DLG2: variants seen among roughly 807,000 people sequenced by gnomAD.
DLG2 encodes discs large MAGUK scaffold protein 2, also known as disks large homolog 2.
A neutral mutation model predicts 132.5 loss-of-function variants in DLG2; 45 were observed. The ratio of observed to expected loss-of-function variants is 0.34; its 90% confidence interval spans 0.27 to 0.44. The LOEUF (loss-of-function observed/expected upper bound fraction) is 0.44, where lower values mean the gene tolerates loss of function less well. Ranked by LOEUF, DLG2 falls within the 20% of genes least tolerant of loss-of-function variation. The pLI, the probability that DLG2 is intolerant of heterozygous loss-of-function variation, is 1.00. For synonymous variants in DLG2, 424 were observed against 419.6 expected, an observed-to-expected ratio of 1.01 and a Z score of -0.13; for missense variants, 1,045 against 1,196.9, an observed-to-expected ratio of 0.87 and a Z score of 1.87.
intron 8 of DLG2, among the ~76,000 whole-genome samples, chr11:84,188,100 G>T (rs2096319258): frequency 6.6e-6 from 1 of 152,114 alleles, no homozygotes; most frequent in Admixed American, 6.6e-5. Flanking sequence ...AATATGCAAA[G>T]TGGTCTTATG....
chr11:85,593,460 C>T (rs1426443499), intron 3 of DLG2, among the ~76,000 whole-genome samples: 1 of 152,174 alleles, frequency 6.6e-6, no homozygotes, highest in Non-Finnish European at 1.5e-5. Context: ...TAACCAAGTT[C>T]ACAGGTGACT....
chr11:85,380,807 A>T (rs2085822371), intron 3 of DLG2, among the ~76,000 whole-genome samples: 1 of 152,234 alleles, frequency 6.6e-6, no homozygotes, highest in Non-Finnish European at 1.5e-5. Flanking sequence ...CCAAGGAATG[A>T]CAACACTTAT....
chr11:85,260,574 CT>C (rs1448336590), intron 4 of DLG2, among the ~76,000 whole-genome samples: 5 of 152,110 alleles, frequency 3.3e-5, no homozygotes, highest in Non-Finnish European at 5.9e-5. Flanking sequence ...TAAATAACAC[CT>C]ATTAAAATCC....
At chr11:85,077,887 G>A (rs968822523) in intron 6 of DLG2, among the ~76,000 whole-genome samples, 1 of 151,856 alleles carries the variant, frequency 6.6e-6, no homozygotes, top group Non-Finnish European at 1.5e-5. Context: ...AACAAAACAG[G>A]GTTGTGCTGT....
intron 10 of DLG2, among the ~76,000 whole-genome samples, chr11:84,064,749 T>C (rs912827053): frequency 6.6e-6 from 1 of 152,182 alleles, no homozygotes; most frequent in Non-Finnish European, 1.5e-5. Flanking sequence ...ACAGTCAAGA[T>C]GCTGAAAGTG....
At chr11:85,052,656 T>C (rs1195866049) in intron 6 of DLG2, among the ~76,000 whole-genome samples, 1 of 152,220 alleles carries the variant, frequency 6.6e-6, no homozygotes, top group Non-Finnish European at 1.5e-5. Flanking sequence ...TTTACTGGTA[T>C]GCAAATTGGT....
intron 2 of DLG2, chr11:85,625,225 A>C (rs1591411595): frequency 6.6e-6 from 1 of 152,228 alleles, no homozygotes; most frequent in East Asian, 1.9e-4. Flanking sequence ...TTATTAGTTC[A>C]AAATAAGGTA....
intron 6 of DLG2, among the ~76,000 whole-genome samples, chr11:84,931,389 C>A (rs2048068822): frequency 6.6e-6 from 1 of 152,140 alleles, no homozygotes; most frequent in African/African-American, 2.4e-5. Flanking sequence ...CATCATCTAG[C>A]TCCCACTTGT....
intron 10 of DLG2, among the ~76,000 whole-genome samples, chr11:84,091,272 C>G (rs143417005): frequency 6.6e-6 from 1 of 152,338 alleles, no homozygotes; most frequent in Non-Finnish European, 1.5e-5. Context: ...TGCCTTGCCT[C>G]TTGACTTAGC....
intron 4 of DLG2, among the ~76,000 whole-genome samples, chr11:85,202,024 G>T (rs1370975353): frequency 6.7e-6 from 1 of 150,314 alleles, no homozygotes; most frequent in East Asian, 2.0e-4. Flanking sequence ...AAACACAGAG[G>T]AAAAATGAAA....
chr11:85,466,444 T>C (rs576679544), intron 3 of DLG2, among the ~76,000 whole-genome samples: 1 of 152,320 alleles, frequency 6.6e-6, no homozygotes, highest in East Asian at 1.9e-4. Flanking sequence ...TGGTTTTAGG[T>C]CTAATATGTA....
chr11:84,852,683 T>C (rs1169896140), intron 6 of DLG2, among the ~76,000 whole-genome samples: 1 of 152,042 alleles, frequency 6.6e-6, no homozygotes, highest in Non-Finnish European at 1.5e-5. Flanking sequence ...ACCTGGTTCA[T>C]TGTACCAAAC....
intron 6 of DLG2, among the ~76,000 whole-genome samples, chr11:84,767,593 G>A (rs1597638343): frequency 6.6e-6 from 1 of 151,758 alleles, no homozygotes; most frequent in Non-Finnish European, 1.5e-5. Flanking sequence ...AATTAAGATT[G>A]TTCCTAACCT....
intron 6 of DLG2, among the ~76,000 whole-genome samples, chr11:85,055,719 T>C (rs1210602031): frequency 6.6e-6 from 1 of 152,018 alleles, no homozygotes; most frequent in Non-Finnish European, 1.5e-5. Flanking sequence ...GACTATGAAG[T>C]TGGGAAGAAG....
intron 18 of DLG2, among the ~76,000 whole-genome samples, chr11:83,635,724 C>A (rs948642109): frequency 6.6e-6 from 1 of 152,116 alleles, no homozygotes; most frequent in Non-Finnish European, 1.5e-5. Flanking sequence ...ACATAAATAT[C>A]ATGTTTCTTA....
At chr11:85,501,909 G>A (rs180791062) in intron 3 of DLG2, among the ~76,000 whole-genome samples, 60 of 152,086 alleles carry the variant, frequency 3.9e-4, no homozygotes, top group Admixed American at 1.4e-3. Context: ...CCATCAATCC[G>A]ATTACCAGGC....
intron 21 of DLG2, among the ~76,000 whole-genome samples, chr11:83,505,547 TG>T (rs1406026763): frequency 2.0e-5 from 3 of 152,322 alleles, no homozygotes; most frequent in African/African-American, 7.2e-5. Context: ...AATATCTTCA[TG>T]TTTTTTTACC....
intron 15 of DLG2, among the ~76,000 whole-genome samples, chr11:83,907,349 A>C (rs2075199837): frequency 6.6e-6 from 1 of 152,222 alleles, no homozygotes; most frequent in Non-Finnish European, 1.5e-5. Context: ...ATTTAGTATG[A>C]TAGCAGAAGT....
intron 7 of DLG2, among the ~76,000 whole-genome samples, chr11:84,366,129 A>G (rs184104194): frequency 0.011 from 1,670 of 152,268 alleles, 32 homozygotes; most frequent in African/African-American, 0.038. Context: ...CAGAAACTCT[A>G]CAAGCCAGAA....
Sources: gnomAD v4.1 joint callset for allele counts (sites outside exome capture counted in the v4.1 genomes callset) on GRCh38, gnomAD v4.1.1 for gene constraint, MANE v1.5 for transcripts, NCBI Gene and HGNC (gene_info 2026-07-23, HGNC 2026-07-21) for gene names.